Variants in ARL8B observed in about 807,000 individuals in gnomAD.
ARL8B encodes the protein ARF like GTPase 8B.
ARL8B carries 9 observed loss-of-function variants against 30.6 expected under a neutral mutation model. The ratio of observed to expected loss-of-function variants is 0.29; its 90% confidence interval spans 0.18 to 0.51. The LOEUF (loss-of-function observed/expected upper bound fraction) is 0.51. Among genes scored for constraint, ARL8B ranks in the 20% least tolerant of loss-of-function variants. The pLI, the probability that ARL8B is intolerant of heterozygous loss-of-function variation, is 0.97. For missense variants in ARL8B, 130 were observed against 227.2 expected, an observed-to-expected ratio of 0.57 and a Z score of 2.75; for synonymous variants, 74 against 76.0, an observed-to-expected ratio of 0.97 and a Z score of 0.14.
chr3:5,143,942 G>T (rs2054398031), intron 1 of ARL8B, among the ~76,000 whole-genome samples: 1 of 152,150 alleles, frequency 6.6e-6, no homozygotes, highest in Non-Finnish European at 1.5e-5. Flanking sequence ...TAATTCTGAG[G>T]AGTGCTATTG....
intron 1 of ARL8B, among the ~76,000 whole-genome samples, chr3:5,152,594 C>G (rs1187645440): frequency 6.6e-6 from 1 of 152,258 alleles, no homozygotes. Flanking sequence ...AAACAATCCT[C>G]CCACCTCAGC....
At chr3:5,170,402 A>G in intron 1 of ARL8B, 101 bp from the exon 2 acceptor site, 2 of 693,930 alleles carry the variant, frequency 2.9e-6, no homozygotes, top group Non-Finnish European at 4.6e-6. Flanking sequence ...ATGGTAAAAA[A>G]ATATTTACTA....
chr3:5,146,674 C>T (rs573508366), intron 1 of ARL8B, among the ~76,000 whole-genome samples: 6 of 152,240 alleles, frequency 3.9e-5, no homozygotes, highest in South Asian at 2.1e-4. Context: ...ATTCTAAACC[C>T]AATCTCACAA....
At chr3:5,166,624 C>T (rs1306278939) in intron 1 of ARL8B, among the ~76,000 whole-genome samples, 1 of 152,224 alleles carries the variant, frequency 6.6e-6, no homozygotes, top group African/African-American at 2.4e-5. Context: ...AGGTGTGAGC[C>T]ACCGCGCCCA....
chr3:5,152,384 T>A (rs773403569), intron 1 of ARL8B, among the ~76,000 whole-genome samples: 6 of 152,236 alleles, frequency 3.9e-5, no homozygotes, highest in African/African-American at 1.4e-4. Context: ...TCTTCTGATA[T>A]TAAAATAATT....
intron 1 of ARL8B, among the ~76,000 whole-genome samples, chr3:5,169,186 C>T (rs1204669497): frequency 3.3e-5 from 5 of 152,064 alleles, no homozygotes; most frequent in African/African-American, 1.2e-4. Context: ...TCACCACTGT[C>T]CACTTCTAGA....
At chr3:5,174,844 C>G (rs947364907) in intron 6 of ARL8B, among the ~76,000 whole-genome samples, 4 of 149,226 alleles carry the variant, frequency 2.7e-5, no homozygotes, top group African/African-American at 9.8e-5. Context: ...ACTCCTTCAC[C>G]CAGGCTTGAG....
chr3:5,138,951 A>C (rs1041932212), intron 1 of ARL8B, among the ~76,000 whole-genome samples: 4 of 152,220 alleles, frequency 2.6e-5, no homozygotes, highest in African/African-American at 4.8e-5. Flanking sequence ...AGCCCATGGC[A>C]TTCTCTGCAG....
At chr3:5,158,244 A>T (rs1408517745) in intron 1 of ARL8B, among the ~76,000 whole-genome samples, 2 of 152,204 alleles carry the variant, frequency 1.3e-5, no homozygotes, top group Non-Finnish European at 2.9e-5. Context: ...TTGGCCTCCC[A>T]AAGTACTGGG....
At chr3:5,123,093 C>G (rs943575056) in intron 1 of ARL8B, among the ~76,000 whole-genome samples, 1 of 152,206 alleles carries the variant, frequency 6.6e-6, no homozygotes, top group African/African-American at 2.4e-5. Context: ...GAGCGCCTTC[C>G]TGAATTCTGT....
At chr3:5,173,030 GTTTAGTGGGAAAGGTAGATAC>G (rs1379534112) in intron 4 of ARL8B, among the ~76,000 whole-genome samples, 1 of 152,184 alleles carries the variant, frequency 6.6e-6, no homozygotes, top group Non-Finnish European at 1.5e-5. Context: ...GGACCTTATG[GTTTAGTGGGAAAGGTAGATAC>G]TCTGAAAACA....
chr3:5,128,509 C>G, intron 1 of ARL8B: 1 of 444,986 alleles, frequency 2.2e-6, no homozygotes, highest in Non-Finnish European at 4.5e-6. Context: ...TGTTAGAGTG[C>G]AATAATGCAT....
At chr3:5,153,212 T>C (rs1234880965) in intron 1 of ARL8B, among the ~76,000 whole-genome samples, 1 of 152,212 alleles carries the variant, frequency 6.6e-6, no homozygotes, top group African/African-American at 2.4e-5. Context: ...ATCGGTAATA[T>C]ACTGATAGGA....
At chr3:5,159,297 CAA>C (rs56033027) in intron 1 of ARL8B, among the ~76,000 whole-genome samples, 14 of 53,020 alleles carry the variant, frequency 2.6e-4, no homozygotes, top group South Asian at 6.0e-4. Context: ...GACTCTGTCT[CAA>C]AAAAAAAAAA....
At chr3:5,145,329 A>C (rs2054409662) in intron 1 of ARL8B, among the ~76,000 whole-genome samples, 1 of 152,096 alleles carries the variant, frequency 6.6e-6, no homozygotes, top group African/African-American at 2.4e-5. Context: ...GAATCTGAGA[A>C]TCCAGTAACC....
intron 1 of ARL8B, among the ~76,000 whole-genome samples, chr3:5,141,171 T>G (rs1055896352): frequency 6.6e-6 from 1 of 152,234 alleles, no homozygotes; most frequent in East Asian, 1.9e-4. Flanking sequence ...TCTGTTCACT[T>G]ATCATGACCT....
chr3:5,154,302 A>AT (rs562567648), intron 1 of ARL8B, among the ~76,000 whole-genome samples: 6 of 144,912 alleles, frequency 4.1e-5, no homozygotes, highest in South Asian at 2.2e-4. Context: ...AGTTTTGTTC[A>AT]TTTTTTAAAA....
intron 1 of ARL8B, among the ~76,000 whole-genome samples, chr3:5,166,249 C>A (rs913377172): frequency 6.6e-6 from 1 of 151,694 alleles, no homozygotes; most frequent in Non-Finnish European, 1.5e-5. Context: ...TATGTTGGCC[C>A]AGGTGGTCTT....
At chr3:5,170,629 C>A in intron 2 of ARL8B, 46 bp downstream of exon 2, 1 of 1,414,924 alleles carries the variant, frequency 7.1e-7, no homozygotes, top group Non-Finnish European at 9.8e-7. Context: ...TAGCACAGAC[C>A]CCTAGAAATT....
Sources: allele counts gnomAD v4.1 joint callset (sites outside exome capture counted in the v4.1 genomes callset), GRCh38; gene constraint gnomAD v4.1.1; transcripts MANE v1.5; gene names NCBI Gene and HGNC (gene_info 2026-07-23, HGNC 2026-07-21).